IQSEC1: variants seen among roughly 807,000 people sequenced by gnomAD.
IQSEC1 encodes IQ motif and Sec7 domain ArfGEF 1, also known as IQ motif and SEC7 domain-containing protein 1.
A neutral mutation model predicts 91.0 loss-of-function variants in IQSEC1; 31 were observed. The observed-to-expected ratio is 0.34, with a 90% CI of 0.26 to 0.46. The LOEUF is 0.46. Ranked by LOEUF, IQSEC1 falls within the 20% of genes least tolerant of loss-of-function variation. IQSEC1 has a pLI of 1.00. For missense variants in IQSEC1, 1,388 were observed against 1,575.6 expected, an observed-to-expected ratio of 0.88 and a Z score of 2.02; for synonymous variants, 699 against 662.6, an observed-to-expected ratio of 1.05 and a Z score of -0.84.
At position 13,154,438 on chromosome 3, in the gene IQSEC1, C is replaced by CACATATATATATATATATATATAT. The variant is rs1277879413; in HGVS notation, c.302+9665_302+9666insATATATATATATATATATATATGT. Among the ~76,000 whole-genome samples, 64 of 20,756 alleles carry CACATATATATATATATATATATAT rather than the reference C, an allele frequency of 3.1e-3. 22 individuals carry two copies. The highest frequency in any genetic ancestry group is 4.8e-3 in the Non-Finnish European group (59 of 12,376). The allele number at this position is 20,756 out of a possible 152,430, so 13.6% of individuals were successfully genotyped here. A position where few individuals can be genotyped will look rare whatever the true frequency, so the allele number is the denominator to read the frequency against. On this transcript the variant is annotated intron_variant, in intron 2 of 15. Coordinates refer to the IQSEC1 transcript ENST00000648114. ...ACACCAGGAAGCTGGAACTTACATG[C>CACATATATATATATATATATATAT]ATATATATATATATATATATATATA...
chr3:13,060,007 G>C (rs58171106), intron 1 of IQSEC1, among the ~76,000 whole-genome samples: 4,166 of 152,318 alleles, frequency 0.027, 202 homozygotes, highest in African/African-American at 0.095. Context: ...TGAGGCGCCG[G>C]CTTGGGGATG....
intron 1 of IQSEC1, among the ~76,000 whole-genome samples, chr3:13,262,064 G>C (rs773359575): frequency 6.6e-6 from 1 of 152,202 alleles, no homozygotes. Flanking sequence ...CTTTTCCTGT[G>C]ACCATAAAGC....
intron 1 of IQSEC1, among the ~76,000 whole-genome samples, chr3:13,039,567 G>T (rs1704174962): frequency 6.6e-6 from 1 of 152,210 alleles, no homozygotes. Context: ...CGCTTGCAAA[G>T]CCTCTACTAA....
Position 13,267,584 on chromosome 3 carries a change from G to T in IQSEC1, c.272+15127C>A, listed in dbSNP as rs573125051. ...GTCCCCCCAGCCCTGTGCCCTTCTG[G>T]GGCCAGAGTCAGCAAATTTCTTTTT... On this transcript the variant is annotated intron_variant, in intron 1 of 15. Transcript: ENST00000648114. Among the ~76,000 whole-genome samples, 2 of 152,022 alleles carry T rather than the reference G, an allele frequency of 1.3e-5. 1 individual carries two copies. The highest frequency in any genetic ancestry group is 4.2e-4 in the South Asian group (2 of 4,792).
At position 13,282,373 on chromosome 3, in the gene IQSEC1, C is replaced by T. The variant is rs1051235921; in HGVS notation, c.272+338G>A. On this transcript the variant is annotated intron_variant, in intron 1 of 15. Transcript: ENST00000648114. This position sits in a 1 kb window ranked among gnomAD's most constrained non-coding sequence, Gnocchi z 6.4. ...TGCTCCGAGACCTAGGTCCGCTCCCCGGACAGACCTCCGCCCGGCTCGTCC... is the reference window on the plus strand; with the variant it reads ...TGCTCCGAGACCTAGGTCCGCTCCCTGGACAGACCTCCGCCCGGCTCGTCC... Among the ~76,000 whole-genome samples, 44 of 152,268 alleles carry T rather than the reference C, an allele frequency of 2.9e-4. No individual in the cohort carries two copies. The highest frequency in any genetic ancestry group is 1.0e-3 in the African/African-American group (42 of 41,574).
In IQSEC1 at chr3:12,935,408, C is replaced by A; in HGVS notation, c.1568+40G>T. On this transcript the variant is annotated intron_variant, in intron 3 of 13. Transcript: ENST00000613206. This position sits in a 1 kb window ranked among gnomAD's most constrained non-coding sequence, Gnocchi z 8.0. ...CGCCCACCCGCCAAGGCCCAGCAAGCCACAGCTGCCCACCCTGAGGGGTCA... is the reference window on the plus strand; with the variant it reads ...CGCCCACCCGCCAAGGCCCAGCAAGACACAGCTGCCCACCCTGAGGGGTCA... 1 of 1,573,578 alleles carries A rather than the reference C, an allele frequency of 6.4e-7. No individual in the cohort carries two copies. Among genetic ancestry groups the A allele is most frequent in the Non-Finnish European group, 8.7e-7 (1 of 1,154,914 alleles).
intron 1 of IQSEC1, among the ~76,000 whole-genome samples, chr3:13,060,795 C>G (rs752888004): frequency 9.9e-5 from 15 of 152,180 alleles, no homozygotes; most frequent in Non-Finnish European, 1.8e-4. Flanking sequence ...GACAGGCACC[C>G]TTGCTCCTGA....
At chr3:13,126,758 C>T (rs368790512) in intron 2 of IQSEC1, among the ~76,000 whole-genome samples, 12 of 152,308 alleles carry the variant, frequency 7.9e-5, no homozygotes, top group African/African-American at 2.6e-4. Context: ...TTAATTTGCA[C>T]TTCTTTAATA....
At chr3:13,087,665 G>T (rs1193647212) in intron 2 of IQSEC1, among the ~76,000 whole-genome samples, 4 of 152,208 alleles carry the variant, frequency 2.6e-5, no homozygotes, top group Non-Finnish European at 5.9e-5. Context: ...AGGATCACTT[G>T]CTGTCTTCGT....
intron 1 of IQSEC1, among the ~76,000 whole-genome samples, chr3:13,268,905 C>T (rs982647020): frequency 4.6e-5 from 7 of 152,224 alleles, no homozygotes; most frequent in African/African-American, 1.2e-4. Context: ...GACAGGAAGC[C>T]TGCAGAGGGA....
intron 2 of IQSEC1, among the ~76,000 whole-genome samples, chr3:13,091,380 A>C (rs1705858590): frequency 6.6e-6 from 1 of 152,242 alleles, no homozygotes; most frequent in Non-Finnish European, 1.5e-5. Context: ...GCAGATGCTC[A>C]AAAAATATTT....
chr3:12,938,728 C>T (rs1698468994), intron 2 of IQSEC1, among the ~76,000 whole-genome samples: 1 of 152,048 alleles, frequency 6.6e-6, no homozygotes, highest in Non-Finnish European at 1.5e-5. Context: ...ACCTCCAGCT[C>T]AGGCCTAGAG....
chr3:12,905,485 C>T (rs903023130), intron 12 of IQSEC1, among the ~76,000 whole-genome samples: 5 of 152,246 alleles, frequency 3.3e-5, no homozygotes, highest in African/African-American at 4.8e-5. Flanking sequence ...TTCCATGCAT[C>T]GACTCCTTCG....
intron 1 of IQSEC1, among the ~76,000 whole-genome samples, chr3:12,977,564 C>T (rs17825940): frequency 0.11 from 16,866 of 152,238 alleles, 1,046 homozygotes; most frequent in South Asian, 0.18. Context: ...GGCTTAGACA[C>T]CGTGGCAGGG....
chr3:12,952,606 A>G (rs1699625617), intron 1 of IQSEC1, among the ~76,000 whole-genome samples: 1 of 151,404 alleles, frequency 6.6e-6, no homozygotes, highest in African/African-American at 2.4e-5. Context: ...GACCCAGGAG[A>G]CTCTGCAGGA....
chr3:12,961,239 C>T (rs142587898), intron 1 of IQSEC1, among the ~76,000 whole-genome samples: 216 of 152,360 alleles, frequency 1.4e-3, no homozygotes, highest in African/African-American at 4.6e-3. Context: ...GGGCTCCAGA[C>T]GCACCACAGC....
chr3:12,899,185 T>TC lies in IQSEC1; in HGVS notation c.*1797dup. The TC allele has an allele frequency of 1.7e-6, 1 of 596,054 alleles. No individual in the cohort carries two copies. Among genetic ancestry groups the TC allele is most frequent in the Non-Finnish European group, 3.0e-6 (1 of 333,120 alleles). The allele number at this position is 596,054 out of a possible 1,614,324, so 36.9% of individuals were successfully genotyped here. ...GGTGGGAGGGATGTGAGGAGGGAAA[T>TC]CGGCAAAACCCTGGCCAGCCAGCCA... On this transcript the variant is annotated 3_prime_UTR_variant, in exon 14 of 14. Transcript: ENST00000613206.
intron 2 of IQSEC1, among the ~76,000 whole-genome samples, chr3:13,080,340 T>G (rs1705629229): frequency 6.6e-6 from 1 of 150,608 alleles, no homozygotes; most frequent in South Asian, 2.1e-4. Context: ...GAAGTGTGGG[T>G]GGGAGAGGAG....
chr3:13,183,267 A>G (rs2125021225), intron 1 of IQSEC1, among the ~76,000 whole-genome samples: 1 of 152,310 alleles, frequency 6.6e-6, no homozygotes, highest in South Asian at 2.1e-4. Flanking sequence ...CAAAGCAAGT[A>G]GAAAGGAGTA....
Sources: gnomAD v4.1 joint callset for allele counts (sites outside exome capture counted in the v4.1 genomes callset) on GRCh38, gnomAD v4.1.1 for gene constraint, Gnocchi (gnomAD v3.1) non-coding constraint, MANE v1.5 for transcripts, NCBI Gene and HGNC (gene_info 2026-07-23, HGNC 2026-07-21) for gene names.